The following GRM5 variants were observed in gnomAD, a reference collection of about 807,000 sequenced individuals.
GRM5 encodes the protein metabotropic glutamate receptor 5.
GRM5 carries 19 observed loss-of-function variants against 83.1 expected under a neutral mutation model. The observed-to-expected ratio is 0.23, with a 90% CI of 0.16 to 0.34. The LOEUF (loss-of-function observed/expected upper bound fraction) is 0.34. GRM5 is among the 10% of genes least tolerant of loss of function. GRM5 has a pLI of 1.00. For synonymous variants in GRM5, 675 were observed against 633.6 expected (o/e 1.07, Z -0.98); for missense variants, 1,160 against 1,588.3 (o/e 0.73, Z 4.58).
chr11:88,521,223 C>A (rs561397913), intron 9 of GRM5, among the ~76,000 whole-genome samples: 111 of 152,180 alleles, frequency 7.3e-4, no homozygotes, highest in South Asian at 2.1e-3. Context: ...CGAGACTAGC[C>A]TGGCCAACAT....
Position 88,761,007 on chromosome 11 carries a change from C to T in GRM5, c.911+88899G>A, listed in dbSNP as rs1204833304. 2.6e-5 allele frequency among the ~76,000 whole-genome samples: 4 copies of T among 152,046 alleles called. No homozygotes were observed. In the East Asian group the frequency reaches 7.7e-4, roughly 29 times the overall value. On this transcript the variant is annotated intron_variant, in intron 3 of 9. Coordinates refer to ENST00000305447, the MANE Select transcript of GRM5 (RefSeq NM_001143831.3). ...AAAAGTCTCAAAAAATGCAATACTG[C>T]TTCATGTTAAAAAACCCTTAATAAA...
At chr11:88,554,398 T>C (rs906310894) in intron 8 of GRM5, among the ~76,000 whole-genome samples, 5 of 152,142 alleles carry the variant, frequency 3.3e-5, no homozygotes, top group African/African-American at 1.2e-4. Context: ...TAAGATAACA[T>C]AGTCACAGGT....
intron 2 of GRM5, among the ~76,000 whole-genome samples, chr11:89,006,150 G>A (rs1364351606): frequency 6.6e-6 from 1 of 152,118 alleles, no homozygotes; most frequent in Non-Finnish European, 1.5e-5. Context: ...AGCAGAAAGA[G>A]GACGTAATTT....
intron 2 of GRM5, among the ~76,000 whole-genome samples, chr11:88,936,853 A>G (rs957589148): frequency 6.6e-6 from 1 of 151,750 alleles, no homozygotes; most frequent in African/African-American, 2.4e-5. Flanking sequence ...GAACAGCCCA[A>G]CATTGAGAAA....
At chr11:88,623,743 G>T (rs919000639) in intron 4 of GRM5, among the ~76,000 whole-genome samples, 1 of 152,152 alleles carries the variant, frequency 6.6e-6, no homozygotes, top group African/African-American at 2.4e-5. Flanking sequence ...ACGATAGGGT[G>T]CAAATGTAGT....
intron 3 of GRM5, among the ~76,000 whole-genome samples, chr11:88,823,457 T>A (rs1943836901): frequency 6.6e-6 from 1 of 152,088 alleles, no homozygotes; most frequent in African/African-American, 2.4e-5. Flanking sequence ...CTGTCTTCAG[T>A]GTTAGAAGTT....
At chr11:88,650,195 A>G (rs1259923329) in intron 4 of GRM5, among the ~76,000 whole-genome samples, 2 of 151,960 alleles carry the variant, frequency 1.3e-5, no homozygotes, top group Non-Finnish European at 2.9e-5. Context: ...AAGACAGAGG[A>G]ATAAATAGCT....
chr11:88,757,742 G>T (rs1047001278), intron 3 of GRM5, among the ~76,000 whole-genome samples: 2 of 152,160 alleles, frequency 1.3e-5, no homozygotes, highest in African/African-American at 4.8e-5. Flanking sequence ...CAGTCAATGA[G>T]TGTGAACCCC....
At chr11:88,512,426 AC>A (rs1279371885) in intron 9 of GRM5, 2 of 154,400 alleles carry the variant, frequency 1.3e-5, no homozygotes, top group South Asian at 2.0e-4. Flanking sequence ...AAGAAAAAAA[AC>A]AAAAGAAACT....
intron 3 of GRM5, among the ~76,000 whole-genome samples, chr11:88,691,468 AC>A (rs1940779200): frequency 6.6e-6 from 1 of 152,208 alleles, no homozygotes; most frequent in Non-Finnish European, 1.5e-5. Flanking sequence ...AATTAGAAAT[AC>A]GGTTGGATAT....
intron 2 of GRM5, among the ~76,000 whole-genome samples, chr11:88,975,961 A>G (rs1415193543): frequency 6.6e-6 from 1 of 152,208 alleles, no homozygotes; most frequent in Non-Finnish European, 1.5e-5. Context: ...CCTAGCTTCC[A>G]TTTGAACAGA....
At chr11:88,581,218 C>A (rs984827911) in intron 7 of GRM5, among the ~76,000 whole-genome samples, 12 of 152,210 alleles carry the variant, frequency 7.9e-5, no homozygotes, top group Non-Finnish European at 1.8e-4. Flanking sequence ...TCTCTCTATT[C>A]ATTTTTCATC....
rs191536077 is a variant in GRM5 at position 88,970,998 on chromosome 11, T to G, written c.661+76214A>C. Among the ~76,000 whole-genome samples the G allele has an allele frequency of 2.9e-3, 439 of 152,280 alleles. 1 individual carries two copies. Among genetic ancestry groups the G allele is most frequent in the African/African-American group, 0.01 (420 of 41,560 alleles). On this transcript the variant is annotated intron_variant, in intron 2 of 9. Transcript: ENST00000305447. ...CCAGTACACCCAATATGGATGTGAG[T>G]CAAGGACACTGCTTTCTGCTGTCAT...
intron 3 of GRM5, among the ~76,000 whole-genome samples, chr11:88,843,096 T>A (rs766493671): frequency 6.6e-6 from 1 of 152,172 alleles, no homozygotes; most frequent in East Asian, 1.9e-4. Flanking sequence ...TCCACAGATA[T>A]TGCATTTTTT....
intron 3 of GRM5, among the ~76,000 whole-genome samples, chr11:88,658,967 G>A (rs1239583707): frequency 6.6e-6 from 1 of 152,100 alleles, no homozygotes; most frequent in Non-Finnish European, 1.5e-5. Flanking sequence ...AGAAGTAGAG[G>A]AACTCTGCTA....
intron 8 of GRM5, among the ~76,000 whole-genome samples, chr11:88,528,354 A>G (rs1464799135): frequency 4.6e-5 from 7 of 151,992 alleles, no homozygotes; most frequent in Non-Finnish European, 1.0e-4. Context: ...TGTACCTGTA[A>G]TTATATTCAC....
At position 88,579,782 on chromosome 11, in the gene GRM5, A is replaced by G. The variant is rs185453883; in HGVS notation, c.1690+10819T>C. Among the ~76,000 whole-genome samples, 79 of 152,336 alleles carry G rather than the reference A, an allele frequency of 5.2e-4. No individual in the cohort carries two copies. In the East Asian group the frequency reaches 8.7e-3, roughly 17 times the overall value. On this transcript the variant is annotated intron_variant, in intron 7 of 9. Transcript: ENST00000305447. ...TACTTTGGCTTTTACTTTGAATGAA[A>G]TGGGAAATCATTGTAGATCCTTATA...
chr11:88,644,543 C>T (rs1334945200), intron 4 of GRM5, among the ~76,000 whole-genome samples: 37 of 152,006 alleles, frequency 2.4e-4, no homozygotes, highest in Admixed American at 2.4e-3. Flanking sequence ...TGTAATACAG[C>T]AAGAAAAAAT....
At chr11:88,925,768 T>C (rs1240834239) in intron 2 of GRM5, 1 of 453,036 alleles carries the variant, frequency 2.2e-6, no homozygotes. Context: ...AAAAATTACC[T>C]GGGTGTGGTA....
Sources: gnomAD v4.1 joint callset for allele counts (sites outside exome capture counted in the v4.1 genomes callset) on GRCh38, gnomAD v4.1.1 for gene constraint, MANE v1.5 for transcripts, NCBI Gene and HGNC (gene_info 2026-07-23, HGNC 2026-07-21) for gene names.